The following EEF2 variants were observed in gnomAD, a reference collection of about 807,000 sequenced individuals.
The protein encoded by EEF2 is elongation factor 2.
EEF2 carries 21 observed loss-of-function variants against 85.3 expected under a neutral mutation model. That is an observed-to-expected ratio of 0.25 (90% CI 0.17 to 0.35). EEF2 has a LOEUF of 0.35. EEF2 is among the 10% of genes least tolerant of loss of function. The pLI is 1.00. For missense variants in EEF2, 825 were observed against 1,225.3 expected (o/e 0.67, Z 4.88); for synonymous variants, 723 against 508.8 (o/e 1.42, Z -5.67).
chr19:3,983,668 C>T (rs2039783510), intron 2 of EEF2, among the ~76,000 whole-genome samples: 1 of 152,086 alleles, frequency 6.6e-6, no homozygotes, highest in South Asian at 2.1e-4. Context: ...AAATGAAGAG[C>T]CTTAGCCAGA....
chr19:3,979,257 T>C (rs2039715375), intron 11 of EEF2, 72 bp downstream of exon 11: 2 of 1,240,832 alleles, frequency 1.6e-6, no homozygotes, highest in South Asian at 2.5e-5. Context: ...AGAGCCTAGC[T>C]CAGCTCAGCT....
chr19:3,985,175 C>A, intron 1 of EEF2: 1 of 505,384 alleles, frequency 2.0e-6, no homozygotes, highest in Non-Finnish European at 3.2e-6. Flanking sequence ...GGTTATGGCG[C>A]CCTCGGAAAC....
chr19:3,984,020 A>C (rs2039789114), intron 2 of EEF2, 116 bp downstream of exon 2: 4 of 1,104,098 alleles, frequency 3.6e-6, no homozygotes, highest in Non-Finnish European at 5.2e-6. Context: ...CCCATGAATT[A>C]AGAAACCAGG....
intron 6 of EEF2, 91 bp downstream of exon 6, chr19:3,981,856 G>T: frequency 8.3e-7 from 1 of 1,197,644 alleles, no homozygotes; most frequent in Non-Finnish European, 1.2e-6. Flanking sequence ...AAGGAGACGG[G>T]CCCAGTCAGC....
In EEF2 at chr19:3,976,363, T is replaced by C. The variant is rs998124910; in HGVS notation, c.*191A>G. On this transcript the variant is annotated 3_prime_UTR_variant, in exon 15 of 15. Transcript: ENST00000309311. ...GAGGGCGTGTCTGCTGCCTCCGGAC[T>C]CTGGAAATAAATATTGAAAGAAACG... 5 of 451,546 alleles carry C rather than the reference T, an allele frequency of 1.1e-5. No homozygotes were observed. Among genetic ancestry groups the C allele is most frequent in the South Asian group, 1.0e-4 (5 of 48,080 alleles). The allele number at this position is 451,546 out of a possible 1,614,324, so 28.0% of individuals were successfully genotyped here. A position where few individuals can be genotyped will look rare whatever the true frequency, so the allele number is the denominator to read the frequency against.
Position 3,976,521 on chromosome 19 carries a change from C to T in EEF2, c.*33G>A. On this transcript the variant is annotated 3_prime_UTR_variant, in exon 15 of 15. Transcript: ENST00000309311. Reference sequence around the variant, plus strand: ...ACGTGGTGCTGTGGGTGCTGCGAGTCCCCGGGGCGGCAGGCGCTGCAGGAA... The same window carrying T: ...ACGTGGTGCTGTGGGTGCTGCGAGTTCCCGGGGCGGCAGGCGCTGCAGGAA... 1 of 1,571,806 alleles carries T rather than the reference C, an allele frequency of 6.4e-7. No homozygotes were observed. The highest frequency in any genetic ancestry group is 1.8e-5 in the Admixed American group (1 of 54,586).
chr19:3,981,502 G>GA (rs749811357), intron 6 of EEF2, 50 bp from the exon 7 acceptor site: 1 of 1,550,164 alleles, frequency 6.5e-7, no homozygotes. Context: ...ACAGCAGGAG[G>GA]AAGCCTGGCA....
intron 4 of EEF2, 153 bp from the exon 5 acceptor site, chr19:3,982,577 G>A (rs777990758): frequency 9.5e-5 from 110 of 1,154,748 alleles, no homozygotes; most frequent in Non-Finnish European, 1.3e-4. Flanking sequence ...ACGAATAGGG[G>A]GGCCAGCCCC....
intron 10 of EEF2, among the ~76,000 whole-genome samples, 160 bp downstream of exon 10, chr19:3,979,648 C>T (rs915814817): frequency 6.6e-6 from 1 of 152,246 alleles, no homozygotes; most frequent in African/African-American, 2.4e-5. Flanking sequence ...GTGGTGGCTG[C>T]CTGGGCAGGA....
intron 3 of EEF2, 27 bp from the exon 4 acceptor site, chr19:3,983,045 C>T: frequency 6.2e-7 from 1 of 1,611,790 alleles, no homozygotes; most frequent in Non-Finnish European, 8.5e-7. Context: ...CAGGGCGGCG[C>T]TGTCATCCTC....
At chr19:3,980,465 C>T (rs369100032) in intron 9 of EEF2, 49 bp downstream of exon 9, 8 of 1,572,984 alleles carry the variant, frequency 5.1e-6, no homozygotes, top group Non-Finnish European at 6.9e-6. Flanking sequence ...TGGAGCAGGG[C>T]AGGGCCCGCA....
At chr19:3,980,211 GTCGGGGCTGTCAGGAAACATCCTCT>G in intron 9 of EEF2, 145 bp from the exon 10 acceptor site, 1 of 1,231,336 alleles carries the variant, frequency 8.1e-7, no homozygotes, top group South Asian at 1.5e-5. Context: ...TGACTGCTGC[GTCGGGGCTGTCAGGAAACATCCTCT>G]TCAGAATCAC....
At chr19:3,976,970 GCC>G (rs1599189821) in intron 14 of EEF2, among the ~76,000 whole-genome samples, 1 of 152,210 alleles carries the variant, frequency 6.6e-6, no homozygotes, top group African/African-American at 2.4e-5. Flanking sequence ...TGCTCTACCG[GCC>G]CAGGGCGTAG....
Position 3,980,849 on chromosome 19 carries a change from G to A in EEF2, c.1142C>T (p.Ala381Val), listed in dbSNP as rs1436128211. The A allele has an allele frequency of 1.9e-6, 3 of 1,567,396 alleles. No homozygotes were observed. The highest frequency in any genetic ancestry group is 2.6e-6 in the Non-Finnish European group (3 of 1,157,700). ...CCACCGGGACCACGTACCCATGGCA[G>A]CCTCGTCGTCCGGGGGCCCCTCGTA... ...LLYEGPPDDE[A>V]AMGIKSCDPK... Residue 381 changes from alanine (A) to valine (V), a missense_variant, in exon 8 of 15, where the codon GCT (alanine) becomes GTT (valine). Coordinates refer to ENST00000309311, the MANE Select transcript of EEF2 (RefSeq NM_001961.4).
At position 3,981,322 on chromosome 19, in the gene EEF2, C is replaced by G. The variant is rs190562397; in HGVS notation, c.1011+17G>C. 2.2e-5 allele frequency: 36 copies of G among 1,611,280 alleles called. 1 individual carries two copies. Among genetic ancestry groups the G allele is most frequent in the Non-Finnish European group, 3.0e-5 (35 of 1,177,514 alleles). On this transcript the variant is annotated intron_variant, in intron 7 of 14. Coordinates refer to ENST00000309311, the MANE Select transcript of EEF2 (RefSeq NM_001961.4). Reference sequence around the variant, plus strand: ...GCCTGTGTTCCCTCCACCCCGAGGGCTGGGCCCAGGCCGCACCTTCAGCAG... The same window carrying G: ...GCCTGTGTTCCCTCCACCCCGAGGGGTGGGCCCAGGCCGCACCTTCAGCAG...
At chr19:3,983,691 T>C (rs965479716) in intron 2 of EEF2, among the ~76,000 whole-genome samples, 1 of 151,992 alleles carries the variant, frequency 6.6e-6, no homozygotes, top group Non-Finnish European at 1.5e-5. Flanking sequence ...CCCTCACCAA[T>C]GTACCAACCC....
chr19:3,976,426 G>T lies in EEF2; in HGVS notation c.*128C>A. On this transcript the variant is annotated 3_prime_UTR_variant, in exon 15 of 15. Transcript: ENST00000309311. Reference sequence around the variant, plus strand: ...ATGGTTGAGTGATGGCACGCAGCGGGCCCCAGAAACCTCTCAGGGGAGCGT... The same window carrying T: ...ATGGTTGAGTGATGGCACGCAGCGGTCCCCAGAAACCTCTCAGGGGAGCGT... The T allele has an allele frequency of 9.8e-7, 1 of 1,022,834 alleles. No individual in the cohort carries two copies. The highest frequency in any genetic ancestry group is 1.4e-6 in the Non-Finnish European group (1 of 712,186). 63.4% of individuals were successfully genotyped at this position (1,022,834 alleles called of 1,614,324 possible). A position where few individuals can be genotyped will look rare whatever the true frequency, so the allele number is the denominator to read the frequency against.
At chr19:3,979,762 TCC>T (rs780591593) in intron 10 of EEF2, 44 bp downstream of exon 10, 2 of 1,588,400 alleles carry the variant, frequency 1.3e-6, no homozygotes, top group Non-Finnish European at 1.7e-6. Context: ...ACACAAGCCG[TCC>T]CCCCTCAGGG....
rs1178379661 is a variant in EEF2 at position 3,984,457 on chromosome 19, T to C, written c.4-107A>G. The C allele has an allele frequency of 1.6e-5, 20 of 1,276,954 alleles. No homozygotes were observed. The Admixed American group carries it at 3.6e-4, about 23-fold the overall frequency. The allele number at this position is 1,276,954 out of a possible 1,614,324, so 79.1% of individuals were successfully genotyped here. On this transcript the variant is annotated intron_variant, in intron 1 of 14. Coordinates refer to ENST00000309311, the MANE Select transcript of EEF2 (RefSeq NM_001961.4). ...AGCATGCCCAAGGCCAGGAGGGGGT[T>C]GGTGCTGGGGTGCCCCAAGCCCACC...
Sources: gnomAD v4.1 joint callset for allele counts (sites outside exome capture counted in the v4.1 genomes callset) on GRCh38, gnomAD v4.1.1 for gene constraint, MANE v1.5 for transcripts, NCBI Gene and HGNC (gene_info 2026-07-23, HGNC 2026-07-21) for gene names.